Variants in RASSF6 observed in about 807,000 individuals in gnomAD.
RASSF6 encodes Ras association domain family member 6, also known as ras association domain-containing protein 6.
A neutral mutation model predicts 44.0 loss-of-function variants in RASSF6; 52 were observed. That is an observed-to-expected ratio of 1.18 (90% confidence interval 0.95 to 1.49). The LOEUF is 1.49. Among genes scored for constraint, RASSF6 ranks in the 40% most tolerant of loss-of-function variants. RASSF6 has a pLI of 0.00. For missense variants in RASSF6, 464 were observed against 393.3 expected (o/e 1.18, Z -1.52); for synonymous variants, 162 against 124.6 (o/e 1.30, Z -2.00).
intron 3 of RASSF6, among the ~76,000 whole-genome samples, chr4:73,595,650 TATAA>T (rs1464221544): frequency 2.0e-5 from 3 of 152,192 alleles, no homozygotes; most frequent in Non-Finnish European, 2.9e-5. Context: ...TGAATTAAAG[TATAA>T]ATAATCATTT....
At chr4:73,595,255 T>C (rs917869691) in intron 3 of RASSF6, among the ~76,000 whole-genome samples, 3 of 152,176 alleles carry the variant, frequency 2.0e-5, no homozygotes, top group African/African-American at 7.2e-5. Flanking sequence ...AGTACAGTGG[T>C]GTGATCTCAG....
chr4:73,608,420 C>A (rs1286410477), intron 2 of RASSF6, among the ~76,000 whole-genome samples: 2 of 151,976 alleles, frequency 1.3e-5, no homozygotes, highest in African/African-American at 4.8e-5. Flanking sequence ...TATAAAAAAA[C>A]CTAATAAATG....
At chr4:73,595,010 C>G (rs1045837146) in intron 3 of RASSF6, among the ~76,000 whole-genome samples, 2 of 152,064 alleles carry the variant, frequency 1.3e-5, no homozygotes, top group African/African-American at 4.8e-5. Context: ...ATGAATAAAG[C>G]CACATATTGT....
chr4:73,597,157 A>G (rs951275890), intron 3 of RASSF6, among the ~76,000 whole-genome samples: 8 of 152,236 alleles, frequency 5.3e-5, no homozygotes, highest in Non-Finnish European at 1.0e-4. Flanking sequence ...CTGTACAGCA[A>G]AAGAAACTAT....
In RASSF6 at chr4:73,598,936, G is replaced by A. The variant is rs568252615; in HGVS notation, c.66-218C>T. Among the ~76,000 whole-genome samples, 7 of 152,312 alleles carry A rather than the reference G, an allele frequency of 4.6e-5. No homozygotes were observed. In the East Asian group the frequency reaches 1.3e-3, roughly 29 times the overall value. ...AATTCATAAATAAATAACCAAAGGT[G>A]GGAAATGACTGAGGACAAAAATGGT... On this transcript the variant is annotated intron_variant, in intron 2 of 10. Transcript: ENST00000307439.
At chr4:73,604,635 CT>C (rs1168419118) in intron 2 of RASSF6, 1 of 152,106 alleles carries the variant, frequency 6.6e-6, no homozygotes, top group Non-Finnish European at 1.5e-5. Flanking sequence ...CACAGGTTTT[CT>C]TTTTCCCACT....
At chr4:73,611,554 T>A (rs1387775931) in intron 2 of RASSF6, among the ~76,000 whole-genome samples, 177 bp downstream of exon 2, 1 of 152,052 alleles carries the variant, frequency 6.6e-6, no homozygotes, top group African/African-American at 2.4e-5. Context: ...GATTGTTCCA[T>A]GAGAGTAAAT....
At chr4:73,592,665 T>C (rs1014840649) in intron 4 of RASSF6, among the ~76,000 whole-genome samples, 1 of 152,214 alleles carries the variant, frequency 6.6e-6, no homozygotes. Context: ...CATTTCAGGG[T>C]GCTCTGTTGA....
chr4:73,597,688 A>G (rs1725022330), intron 3 of RASSF6, among the ~76,000 whole-genome samples: 1 of 152,192 alleles, frequency 6.6e-6, no homozygotes, highest in Non-Finnish European at 1.5e-5. Context: ...TCATTGCAGC[A>G]CTATTTATAA....
chr4:73,599,674 T>C lies in RASSF6; in HGVS notation c.66-956A>G, dbSNP rs889268518. The stretch of plus-strand genomic sequence containing the variant: ...CTTGAGATGATCATCATTTCTCACT[T>C]GGATTATTGCAGCAGCCTCCTAAAA... On this transcript the variant is annotated intron_variant, in intron 2 of 10. Coordinates refer to ENST00000307439, the MANE Select transcript of RASSF6 (RefSeq NM_177532.5). Among the ~76,000 whole-genome samples the C allele has an allele frequency of 2.0e-5, 3 of 152,184 alleles. No individual in the cohort carries two copies. The East Asian group carries it at 5.8e-4, about 29-fold the overall frequency.
At chr4:73,610,637 A>AGCT (rs1481378350) in intron 2 of RASSF6, among the ~76,000 whole-genome samples, 1 of 152,178 alleles carries the variant, frequency 6.6e-6, no homozygotes, top group Non-Finnish European at 1.5e-5. Flanking sequence ...TACCTGCGAA[A>AGCT]GCTGCATGGC....
In RASSF6 at chr4:73,598,590, G is replaced by C. The variant is rs768830711; in HGVS notation, c.144+50C>G. On this transcript the variant is annotated intron_variant, in intron 3 of 10. Transcript: ENST00000307439. ...GAATTGTGTGTGTGTGTGTGTGCACGCATGTGTGTGTGTGAATAACACCGG... is the reference window on the plus strand; with the variant it reads ...GAATTGTGTGTGTGTGTGTGTGCACCCATGTGTGTGTGTGAATAACACCGG... 35 of 811,034 alleles carry C rather than the reference G, an allele frequency of 4.3e-5. No individual in the cohort carries two copies. The South Asian group carries it at 5.3e-4, about 12-fold the overall frequency. The allele number at this position is 811,034 out of a possible 1,614,324, so 50.2% of individuals were successfully genotyped here. A position where few individuals can be genotyped will look rare whatever the true frequency, so the allele number is the denominator to read the frequency against.
intron 2 of RASSF6, among the ~76,000 whole-genome samples, chr4:73,606,210 G>A (rs1350913951): frequency 2.0e-5 from 3 of 152,190 alleles, no homozygotes; most frequent in Non-Finnish European, 4.4e-5. Context: ...GTGGTACATA[G>A]ACACCATGGA....
At chr4:73,595,985 C>T (rs1724914753) in intron 3 of RASSF6, among the ~76,000 whole-genome samples, 1 of 152,112 alleles carries the variant, frequency 6.6e-6, no homozygotes, top group Admixed American at 6.6e-5. Context: ...CTAATGTCCC[C>T]TTTGGCCAGG....
At chr4:73,585,011 A>G (rs28612539) in intron 6 of RASSF6, among the ~76,000 whole-genome samples, 169 bp downstream of exon 6, 40,725 of 152,044 alleles carry the variant, frequency 0.27, 5,692 homozygotes, top group Admixed American at 0.4. Flanking sequence ...GTAAAAATCT[A>G]TTTAAAACAC....
chr4:73,586,994 G>C (rs1043916477), intron 5 of RASSF6, among the ~76,000 whole-genome samples: 3 of 151,690 alleles, frequency 2.0e-5, no homozygotes, highest in African/African-American at 7.3e-5. Flanking sequence ...TGTTCACACT[G>C]AACTGACTTC....
intron 2 of RASSF6, among the ~76,000 whole-genome samples, chr4:73,611,199 C>A (rs1456843771): frequency 6.6e-6 from 1 of 152,152 alleles, no homozygotes; most frequent in Non-Finnish European, 1.5e-5. Flanking sequence ...TGGCCAGTTT[C>A]AGTTTTCATC....
intron 3 of RASSF6, among the ~76,000 whole-genome samples, chr4:73,594,225 T>C (rs1002798439): frequency 6.6e-6 from 1 of 152,214 alleles, no homozygotes; most frequent in Non-Finnish European, 1.5e-5. Flanking sequence ...TAAATAATCA[T>C]TATATATATG....
chr4:73,588,181 T>G (rs1724253746), intron 4 of RASSF6, among the ~76,000 whole-genome samples: 1 of 152,088 alleles, frequency 6.6e-6, no homozygotes, highest in Admixed American at 6.6e-5. Flanking sequence ...AGTTACATAC[T>G]GAAACACAAG....
Sources: gnomAD v4.1 joint callset for allele counts (sites outside exome capture counted in the v4.1 genomes callset) on GRCh38, gnomAD v4.1.1 for gene constraint, MANE v1.5 for transcripts, NCBI Gene and HGNC (gene_info 2026-07-23, HGNC 2026-07-21) for gene names.